DSP: variants seen among roughly 807,000 people sequenced by gnomAD.
DSP encodes the protein desmoplakin, also known as 250/210 kDa paraneoplastic pemphigus antigen.
Under a neutral mutation model 290.6 loss-of-function variants are expected in DSP, and 114 were observed. The observed-to-expected ratio is 0.39, with a 90% CI of 0.34 to 0.46. The LOEUF is 0.46. Among genes scored for constraint, DSP ranks in the 20% least tolerant of loss-of-function variants. DSP has a pLI of 0.99. For synonymous variants in DSP, 1,311 were observed against 1,316.4 expected, an observed-to-expected ratio of 1.00 and a Z score of 0.09; for missense variants, 3,230 against 3,495.8, an observed-to-expected ratio of 0.92 and a Z score of 1.92.
At position 7,574,548 on chromosome 6, in the gene DSP, T is replaced by C; in HGVS notation, c.2298-109T>C. On this transcript the variant is annotated intron_variant, in intron 16 of 23. Transcript: ENST00000379802. ...TAGACCAAAAAACAGACAAAATAAA[T>C]TTTTATCTGCTTTGACGTTGTTCCC... is the stretch of plus-strand genomic sequence containing the variant. 6 of 1,509,368 alleles carry C rather than the reference T, an allele frequency of 4.0e-6. No homozygotes were observed. The South Asian group carries it at 5.7e-5, about 14-fold the overall frequency. The allele number at this position is 1,509,368 out of a possible 1,614,324, so 93.5% of individuals were successfully genotyped here.
chr6:7,550,702 G>A (rs970051826), intron 1 of DSP, among the ~76,000 whole-genome samples: 1 of 151,902 alleles, frequency 6.6e-6, no homozygotes, highest in African/African-American at 2.4e-5. Flanking sequence ...AACTTTTAAG[G>A]ATGAGTTATT....
At chr6:7,543,108 G>A (rs1758061853) in intron 1 of DSP, among the ~76,000 whole-genome samples, 1 of 152,198 alleles carries the variant, frequency 6.6e-6, no homozygotes, top group South Asian at 2.1e-4. Flanking sequence ...GGTCTCGGGA[G>A]CTGGACTCTA....
chr6:7,576,468 C>T lies in DSP; in HGVS notation c.2793+12C>T. ...TGAATGAGCAGAAGGTATAAGCCAA[C>T]TTTTTGTTCCATAGCTGTTTTGAGA... On this transcript the variant is annotated intron_variant, in intron 19 of 23. Transcript: ENST00000379802. 1 of 1,614,032 alleles carries T rather than the reference C, an allele frequency of 6.2e-7. No individual in the cohort carries two copies. The highest frequency in any genetic ancestry group is 8.5e-7 in the Non-Finnish European group (1 of 1,179,960).
chr6:7,570,079 A>G (rs1383207440), intron 12 of DSP, among the ~76,000 whole-genome samples: 1 of 152,180 alleles, frequency 6.6e-6, no homozygotes, highest in Non-Finnish European at 1.5e-5. Flanking sequence ...CACACACTGA[A>G]TAGGGAGAGT....
rs1379150952 is a variant in DSP at position 7,585,222 on chromosome 6, C to T, written c.7960C>T (p.Gln2654Ter). Residue 2654 changes from glutamine to a stop codon, truncating the protein, a stop_gained, in exon 24 of 24, where the codon CAG becomes TAG. Transcript: ENST00000379802. LOFTEE classifies it high-confidence loss of function. ...CACGGGTCAGAGGCTTCTGGAGGCT[C>T]AGGCCTGCACAGGTGGCATCATCCA... ...SITGQRLLEA[Q>*]ACTGGIIHPT... 2 of 1,614,044 alleles carry T rather than the reference C, an allele frequency of 1.2e-6. No individual in the cohort carries two copies. Among genetic ancestry groups the T allele is most frequent in the African/African-American group, 1.3e-5 (1 of 74,928 alleles).
intron 8 of DSP, 85 bp downstream of exon 8, chr6:7,566,566 G>C: frequency 9.0e-7 from 1 of 1,112,180 alleles, no homozygotes; most frequent in Non-Finnish European, 1.3e-6. Flanking sequence ...ATTCTTATAT[G>C]ACTTAAAGCC....
Position 7,541,805 on chromosome 6 carries a change from C to T in DSP, c.-111C>T. 7.1e-7 allele frequency: 1 copy of T among 1,404,000 alleles called. No homozygotes were observed. The highest frequency in any genetic ancestry group is 1.4e-5 in the South Asian group (1 of 70,784). The allele number at this position is 1,404,000 out of a possible 1,614,324, so 87.0% of individuals were successfully genotyped here. ...AGCGACCTCGCGAGCCTTCCGCACT[C>T]CCGCCCGGTTCCCCGGCCGTCCGCC... is the stretch of plus-strand genomic sequence containing the variant. On this transcript the variant is annotated 5_prime_UTR_variant, in exon 1 of 24. Coordinates refer to ENST00000379802, the MANE Select transcript of DSP (RefSeq NM_004415.4).
chr6:7,552,659 G>GT (rs762045971), intron 1 of DSP, among the ~76,000 whole-genome samples: 40 of 127,904 alleles, frequency 3.1e-4, no homozygotes, highest in African/African-American at 8.2e-4. Context: ...AAAGTTACCT[G>GT]TTGTTTTTTT....
chr6:7,585,791 T>G lies in DSP; in HGVS notation c.8529T>G (p.Ser2843Arg). Residue 2843 changes from serine to arginine, a missense_variant, in exon 24 of 24, where the codon AGT becomes AGG. Physicochemically the swap from Ser to Arg is moderately radical, Grantham distance 110. Coordinates refer to ENST00000379802, the MANE Select transcript of DSP (RefSeq NM_004415.4). ...SRSGSRSGSR[S>R]GSRRGSFDAT... The stretch of plus-strand genomic sequence containing the variant: ...CCGGATCTCGCTCCGGGTCCCGCAG[T>G]GGGTCCCGGAGAGGAAGCTTTGACG... 1 of 1,609,360 alleles carries G rather than the reference T, an allele frequency of 6.2e-7. No individual in the cohort carries two copies. Among genetic ancestry groups the G allele is most frequent in the South Asian group, 1.1e-5 (1 of 90,224 alleles).
At position 7,548,391 on chromosome 6, in the gene DSP, A is replaced by AG. The variant is rs1276689740; in HGVS notation, c.170+6312dup. ...CTCTGAGCCTCACCTCAGCCCCAGGAGGGGGGTGTTCTACCTGTCACAGAG... is the reference window on the plus strand; with the variant it reads ...CTCTGAGCCTCACCTCAGCCCCAGGAGGGGGGGTGTTCTACCTGTCACAGAG... On this transcript the variant is annotated intron_variant, in intron 1 of 23. Coordinates refer to ENST00000379802, the MANE Select transcript of DSP (RefSeq NM_004415.4). Among the ~76,000 whole-genome samples, 6 of 152,146 alleles carry AG rather than the reference A, an allele frequency of 3.9e-5. No individual in the cohort carries two copies. The South Asian group carries it at 6.2e-4, about 16-fold the overall frequency.
In DSP at chr6:7,583,838, C is replaced by A. The variant is rs1032400756; in HGVS notation, c.6576C>A (p.Ile2192=). ...SYVQLKERCR[I]EPHTGLLLLS... ...TGCAGCTGAAGGAACGGTGCAGAAT[C>A]GAACCACATACTGGTCTGCTCTTGC... Residue 2192 remains isoleucine, a synonymous_variant, in exon 24 of 24, where the codon ATC becomes ATA. Coordinates refer to ENST00000379802, the MANE Select transcript of DSP (RefSeq NM_004415.4). This position sits in a 1 kb window ranked among gnomAD's most constrained non-coding sequence, Gnocchi z 4.0. 3.1e-6 allele frequency: 5 copies of A among 1,613,964 alleles called. No homozygotes were observed. Among genetic ancestry groups the A allele is most frequent in the Non-Finnish European group, 2.5e-6 (3 of 1,180,036 alleles).
rs1216171793 is a variant in DSP at position 7,583,248 on chromosome 6, A to C, written c.5986A>C (p.Lys1996Gln). Residue 1996 changes from lysine to glutamine, a missense_variant, in exon 24 of 24, where the codon AAG (lysine) becomes CAG (glutamine). Physicochemically the swap from Lys to Gln is moderately conservative, Grantham distance 53 (BLOSUM62 1). Around this residue, in one of 5 missense-constraint regions of DSP, gnomAD observed 1,714 missense variants for 1,844.5 expected, o/e 0.93. Transcript: ENST00000379802. This position sits in a 1 kb window ranked among gnomAD's most constrained non-coding sequence, Gnocchi z 4.0. ...CAAAACAACCTTGGACAAACTATTG[A>C]AGGGGAAGAAGTCAGTGGAAGAAGT... is the stretch of plus-strand genomic sequence containing the variant. ...IDKTTLDKLL[K>Q]GKKSVEEVAS... 1 of 1,614,040 alleles carries C rather than the reference A, an allele frequency of 6.2e-7. No individual in the cohort carries two copies. The highest frequency in any genetic ancestry group is 1.3e-5 in the African/African-American group (1 of 74,904).
chr6:7,570,834 T>A (rs1166638158), intron 13 of DSP, among the ~76,000 whole-genome samples: 3 of 152,198 alleles, frequency 2.0e-5, no homozygotes, highest in African/African-American at 7.2e-5. Flanking sequence ...TGCACTCCTG[T>A]AAGATTCTGG....
chr6:7,558,147 C>T lies in DSP; in HGVS notation c.305C>T (p.Thr102Ile). ...AAGTATGGAGATGGAATACAACTGA[C>T]TCGGAGTCGAGAATTGGATGAGTGT... Reference protein sequence around the residue: ...ELKYGDGIQLTRSRELDECFA... With the variant: ...ELKYGDGIQLIRSRELDECFA... Residue 102 changes from threonine (T) to isoleucine (I), a missense_variant, in exon 3 of 24, where the codon ACT (threonine) becomes ATT (isoleucine). This residue lies in a region of DSP where 646 missense variants were observed against 684.3 expected (regional missense o/e 0.94). Coordinates refer to ENST00000379802, the MANE Select transcript of DSP (RefSeq NM_004415.4). The T allele has an allele frequency of 6.2e-7, 1 of 1,614,200 alleles. No homozygotes were observed. The highest frequency in any genetic ancestry group is 8.5e-7 in the Non-Finnish European group (1 of 1,180,034).
intron 1 of DSP, among the ~76,000 whole-genome samples, chr6:7,550,014 G>A (rs1758289089): frequency 6.6e-6 from 1 of 151,966 alleles, no homozygotes; most frequent in African/African-American, 2.4e-5. Context: ...TTGAAAGTAT[G>A]AACTTTTTTT....
At chr6:7,544,730 AC>A (rs974996791) in intron 1 of DSP, among the ~76,000 whole-genome samples, 7 of 152,100 alleles carry the variant, frequency 4.6e-5, no homozygotes, top group Non-Finnish European at 1.0e-4. Flanking sequence ...CTTTCCACGA[AC>A]AGCACTTACC....
At position 7,566,968 on chromosome 6, in the gene DSP, T is replaced by C. The variant is rs80218982; in HGVS notation, c.1045-386T>C. Among the ~76,000 whole-genome samples, 80 of 152,274 alleles carry C rather than the reference T, an allele frequency of 5.3e-4. No individual in the cohort carries two copies. The East Asian group carries it at 0.013, about 25-fold the overall frequency. ...GTAAGAATCACTGTCTTGAGCCCCC[T>C]AAGCCCTTTGCTTGGATGCCTCGAA... On this transcript the variant is annotated intron_variant, in intron 8 of 23. Coordinates refer to ENST00000379802, the MANE Select transcript of DSP (RefSeq NM_004415.4).
chr6:7,558,005 A>C (rs1758552035), intron 2 of DSP, 111 bp from the exon 3 acceptor site: 6 of 1,352,536 alleles, frequency 4.4e-6, no homozygotes, highest in Non-Finnish European at 6.4e-6. Flanking sequence ...TCACTGGCGA[A>C]ACTTACAGTT....
intron 12 of DSP, 44 bp downstream of exon 12, chr6:7,569,384 G>A (rs1415059881): frequency 6.2e-6 from 10 of 1,614,026 alleles, no homozygotes; most frequent in Middle Eastern, 1.7e-4. Context: ...ACGCATGAAT[G>A]TGAGGGCAGA....
Sources: gnomAD v4.1 joint callset for allele counts (sites outside exome capture counted in the v4.1 genomes callset) on GRCh38, gnomAD v4.1.1 for gene constraint, gnomAD v4.1.1 regional missense constraint, Gnocchi (gnomAD v3.1) non-coding constraint, MANE v1.5 for transcripts, NCBI Gene and HGNC (gene_info 2026-07-23, HGNC 2026-07-21) for gene names.